The following PPM1A variants were observed in gnomAD, a reference collection of about 807,000 sequenced individuals.
PPM1A encodes protein phosphatase 1A.
PPM1A carries 7 observed loss-of-function variants against 35.0 expected under a neutral mutation model. The observed-to-expected ratio is 0.20, with a 90% CI of 0.11 to 0.38. The LOEUF is 0.38. Among genes scored for constraint, PPM1A ranks in the 10% least tolerant of loss-of-function variants. PPM1A has a pLI of 1.00. For missense variants in PPM1A, 239 were observed against 467.8 expected (o/e 0.51, Z 4.51); for synonymous variants, 153 against 167.3 (o/e 0.91, Z 0.66).
Position 60,295,555 on chromosome 14 carries a change from T to C in PPM1A, c.*3073T>C, listed in dbSNP as rs1213516518. On this transcript the variant is annotated 3_prime_UTR_variant, in exon 6 of 6. Transcript: ENST00000395076. ...GTAATCTGAATTACAGCAGTACTTTTAGTGATCATTCATAGGACTATATAT... is the reference window on the plus strand; with the variant it reads ...GTAATCTGAATTACAGCAGTACTTTCAGTGATCATTCATAGGACTATATAT... 2 of 151,740 alleles carry C rather than the reference T, an allele frequency of 1.3e-5. No homozygotes were observed. Among genetic ancestry groups the C allele is most frequent in the African/African-American group, 2.4e-5 (1 of 41,404 alleles). 9.4% of individuals were successfully genotyped at this position (151,740 alleles called of 1,614,324 possible).
At chr14:60,248,052 G>A (rs1487854140), upstream of PPM1A, among the ~76,000 whole-genome samples, 1 of 151,686 alleles carries the variant, frequency 6.6e-6, no homozygotes, top group Non-Finnish European at 1.5e-5. Context: ...TGGTTAAGCC[G>A]CTGACAAGAG....
At chr14:60,271,354 G>T (rs529066739) in intron 1 of PPM1A, among the ~76,000 whole-genome samples, 2 of 152,086 alleles carry the variant, frequency 1.3e-5, no homozygotes, top group African/African-American at 2.4e-5. Flanking sequence ...TCCAAATAAG[G>T]TAACATTTAT....
At chr14:60,274,965 T>A (rs1209130666) in intron 1 of PPM1A, among the ~76,000 whole-genome samples, 1 of 152,044 alleles carries the variant, frequency 6.6e-6, no homozygotes, top group Non-Finnish European at 1.5e-5. Flanking sequence ...TTAGCCTAAG[T>A]ATCTGAAATT....
intron 2 of PPM1A, among the ~76,000 whole-genome samples, chr14:60,284,337 A>T (rs1050493759): frequency 1.3e-5 from 2 of 152,130 alleles, no homozygotes; most frequent in Non-Finnish European, 2.9e-5. Context: ...TAAAATGGAG[A>T]TAATAGTATC....
chr14:60,263,249 C>T (rs1034239207), intron 1 of PPM1A, among the ~76,000 whole-genome samples: 1 of 152,040 alleles, frequency 6.6e-6, no homozygotes. Context: ...CAAGGGCACT[C>T]TAATGTGCAC....
chr14:60,252,789 T>TA (rs1460502687), intron 1 of PPM1A, among the ~76,000 whole-genome samples: 1 of 152,192 alleles, frequency 6.6e-6, no homozygotes, highest in East Asian at 1.9e-4. Flanking sequence ...TCAAATGTCT[T>TA]ATGTTCTCCA....
At position 60,282,275 on chromosome 14, in the gene PPM1A, T is replaced by TAAC. The variant is rs10624732; in HGVS notation, c.-20-408_-20-407insACA. 6.6e-6 allele frequency among the ~76,000 whole-genome samples: 1 copy of TAAC among 151,802 alleles called. No homozygotes were observed. The highest frequency in any genetic ancestry group is 1.5e-5 in the Non-Finnish European group (1 of 67,946). Reference sequence around the variant, plus strand: ...AAAATTCCTGAATGTTCAACCAAGATATATTTGAGTTAGTAGATTTTTTGG... The same window carrying TAAC: ...AAAATTCCTGAATGTTCAACCAAGATAACATATTTGAGTTAGTAGATTTTTTGG... On this transcript the variant is annotated intron_variant, in intron 1 of 5. Coordinates refer to ENST00000395076, the MANE Select transcript of PPM1A (RefSeq NM_021003.5). The surrounding 1 kb of genome is among the most constrained non-coding windows in gnomAD (Gnocchi z 5.1).
At chr14:60,254,146 A>T (rs1487464277) in intron 1 of PPM1A, among the ~76,000 whole-genome samples, 2 of 152,212 alleles carry the variant, frequency 1.3e-5, no homozygotes, top group Non-Finnish European at 2.9e-5. Flanking sequence ...CTTGCTTAGT[A>T]TGAGAGGGTT....
rs983139739 is a variant in PPM1A at position 60,296,481 on chromosome 14, C to T, written c.*3999C>T. 23 of 281,160 alleles carry T rather than the reference C, an allele frequency of 8.2e-5. No individual in the cohort carries two copies. The highest frequency in any genetic ancestry group is 4.3e-4 in the African/African-American group (20 of 46,278). The allele number at this position is 281,160 out of a possible 1,614,324, so 17.4% of individuals were successfully genotyped here. A position where few individuals can be genotyped will look rare whatever the true frequency, so the allele number is the denominator to read the frequency against. The stretch of plus-strand genomic sequence containing the variant: ...ATTTGAGGTTTTTCTTCTAAGGGAC[C>T]TTAAAGAGTTTTATATACTTTTGCT... On this transcript the variant is annotated 3_prime_UTR_variant, in exon 6 of 6. Coordinates refer to ENST00000395076, the MANE Select transcript of PPM1A (RefSeq NM_021003.5). The surrounding 1 kb of genome is among the most constrained non-coding windows in gnomAD (Gnocchi z 4.4).
In PPM1A at chr14:60,289,866, C is replaced by G; in HGVS notation, c.1013C>G (p.Ala338Gly). Residue 338 changes from alanine (A) to glycine (G), a missense_variant, in exon 4 of 6, where the codon GCG (alanine) becomes GGG (glycine). Physicochemically the swap from Ala to Gly is moderately conservative, Grantham distance 60. Transcript: ENST00000395076. This position sits in a 1 kb window ranked among gnomAD's most constrained non-coding sequence, Gnocchi z 4.1. Reference sequence around the variant, plus strand: ...TTAGTCCATGTGATGCGCACATTAGCGAGTGAGAACATCCCCAGCCTCCCA... The same window carrying G: ...TTAGTCCATGTGATGCGCACATTAGGGAGTGAGAACATCCCCAGCCTCCCA... ...PDLVHVMRTLASENIPSLPPG... is the reference protein window; with the variant it reads ...PDLVHVMRTLGSENIPSLPPG... The G allele has an allele frequency of 1.3e-6, 2 of 1,592,028 alleles. No individual in the cohort carries two copies. Among genetic ancestry groups the G allele is most frequent in the Non-Finnish European group, 1.7e-6 (2 of 1,173,712 alleles).
intron 1 of PPM1A, among the ~76,000 whole-genome samples, chr14:60,281,589 T>TG (rs1449071835): frequency 6.6e-6 from 1 of 152,220 alleles, no homozygotes; most frequent in Admixed American, 6.5e-5. Context: ...CTGTTCATCA[T>TG]GCTATCCTTC....
rs1887337557 is a variant in PPM1A, at chr14:60,289,063, A to G, written c.953-743A>G. Among the ~76,000 whole-genome samples, 1 of 152,122 alleles carries G rather than the reference A, an allele frequency of 6.6e-6. No individual in the cohort carries two copies. The highest frequency in any genetic ancestry group is 2.4e-5 in the African/African-American group (1 of 41,452). On this transcript the variant is annotated intron_variant, in intron 3 of 5. Coordinates refer to ENST00000395076, the MANE Select transcript of PPM1A (RefSeq NM_021003.5). The surrounding 1 kb of genome is among the most constrained non-coding windows in gnomAD (Gnocchi z 4.1). ...CAGATCATATTGCTGTGCCCTTTTA[A>G]TAACTGGATATTTTAAAATTATTTT... is the stretch of plus-strand genomic sequence containing the variant.
chr14:60,292,409 G>A lies in PPM1A; in HGVS notation c.1120-44G>A, dbSNP rs370497664. 162 of 1,491,326 alleles carry A rather than the reference G, an allele frequency of 1.1e-4. No individual in the cohort carries two copies. The South Asian group carries it at 1.6e-3, about 15-fold the overall frequency. 92.4% of individuals were successfully genotyped at this position (1,491,326 alleles called of 1,614,324 possible). On this transcript the variant is annotated intron_variant, in intron 5 of 5. Transcript: ENST00000395076. This position sits in a 1 kb window ranked among gnomAD's most constrained non-coding sequence, Gnocchi z 4.2. ...AGAAAGTATGGTGTATTTTGGCACC[G>A]CTAAATTTTAACGTTGTTCCTTATT...
In PPM1A at chr14:60,273,850, T is replaced by A. The variant is rs1273286939; in HGVS notation, c.-20-8834T>A. Among the ~76,000 whole-genome samples, 1 of 152,192 alleles carries A rather than the reference T, an allele frequency of 6.6e-6. No homozygotes were observed. Among genetic ancestry groups the A allele is most frequent in the East Asian group, 1.9e-4 (1 of 5,188 alleles). On this transcript the variant is annotated intron_variant, in intron 1 of 5. Transcript: ENST00000395076. The surrounding 1 kb of genome is among the most constrained non-coding windows in gnomAD (Gnocchi z 4.3). Reference sequence around the variant, plus strand: ...TATCCTTAGTTTCTGTTTCTTTTTCTGAGTTGGGGTCTTGCTATATTGCCT... The same window carrying A: ...TATCCTTAGTTTCTGTTTCTTTTTCAGAGTTGGGGTCTTGCTATATTGCCT...
intron 1 of PPM1A, among the ~76,000 whole-genome samples, chr14:60,272,325 T>C (rs1479782970): frequency 1.3e-5 from 2 of 151,962 alleles, no homozygotes; most frequent in Admixed American, 1.3e-4. Context: ...ACAAGTTTTT[T>C]ATAAAGATGG....
At chr14:60,247,345 T>G (rs1216761479), upstream of PPM1A, among the ~76,000 whole-genome samples, 1 of 152,016 alleles carries the variant, frequency 6.6e-6, no homozygotes, top group Non-Finnish European at 1.5e-5. Context: ...TCTAAGGAAT[T>G]CTGGCCGGGA....
chr14:60,277,997 C>T (rs1595342617), intron 1 of PPM1A, among the ~76,000 whole-genome samples: 1 of 152,178 alleles, frequency 6.6e-6, no homozygotes, highest in South Asian at 2.1e-4. Context: ...GATGACTTAA[C>T]CTCACCGTGG....
At chr14:60,263,251 A>G (rs1478192716) in intron 1 of PPM1A, among the ~76,000 whole-genome samples, 1 of 152,048 alleles carries the variant, frequency 6.6e-6, no homozygotes, top group African/African-American at 2.4e-5. Context: ...AGGGCACTCT[A>G]ATGTGCACAT....
At chr14:60,246,494 C>T (rs931167346), upstream of PPM1A, among the ~76,000 whole-genome samples, 5 of 152,078 alleles carry the variant, frequency 3.3e-5, no homozygotes, top group Non-Finnish European at 7.4e-5. Flanking sequence ...TTATAATATA[C>T]CTATAAAAAT....
Sources: allele counts gnomAD v4.1 joint callset (sites outside exome capture counted in the v4.1 genomes callset), GRCh38; gene constraint gnomAD v4.1.1; non-coding constraint Gnocchi (gnomAD v3.1); transcripts MANE v1.5; gene names NCBI Gene and HGNC (gene_info 2026-07-23, HGNC 2026-07-21).